ZNG1E: variants seen among roughly 807,000 people sequenced by gnomAD.
ZNG1E encodes the protein zinc-regulated GTPase metalloprotein activator 1E.
the ZNG1E span, among the ~76,000 whole-genome samples, chr9:65,684,949 G>A: frequency 6.6e-6 from 1 of 151,972 alleles, no homozygotes; most frequent in Non-Finnish European, 1.5e-5. Flanking sequence ...CAGCTACTTG[G>A]GAGGATCACT....
the ZNG1E span, among the ~76,000 whole-genome samples, chr9:65,715,425 C>G: frequency 1.9e-4 from 28 of 150,188 alleles, 1 homozygote; most frequent in African/African-American, 6.0e-4. Context: ...CTCCTCTCTC[C>G]TCTCTTCACT....
At chr9:65,663,947 A>G in the ZNG1E span, among the ~76,000 whole-genome samples, 1 of 152,242 alleles carries the variant, frequency 6.6e-6, no homozygotes, top group Admixed American at 6.5e-5. Context: ...GCTTCCACAT[A>G]CATATATCAG....
chr9:65,700,822 A>G, the ZNG1E span: 1 of 146,112 alleles, frequency 6.8e-6, no homozygotes, highest in Non-Finnish European at 1.5e-5. Flanking sequence ...CCCTGACTCA[A>G]GTGGTCTCAG....
chr9:65,704,531 A>G, the ZNG1E span: 2 of 686,198 alleles, frequency 2.9e-6, no homozygotes, highest in Non-Finnish European at 3.3e-6. Flanking sequence ...TGTCCTGAGT[A>G]GAATTCTTAC....
At chr9:65,687,373 G>A in the ZNG1E span, among the ~76,000 whole-genome samples, 2 of 143,744 alleles carry the variant, frequency 1.4e-5, no homozygotes, top group African/African-American at 5.0e-5. Context: ...GTCTTTTCAA[G>A]TTACAGGTAC....
the ZNG1E span, among the ~76,000 whole-genome samples, chr9:65,659,122 G>C: frequency 6.6e-6 from 1 of 152,226 alleles, no homozygotes. Context: ...TCATACCCAA[G>C]AGTCAATAAT....
the ZNG1E span, among the ~76,000 whole-genome samples, chr9:65,663,179 C>T: frequency 1.3e-4 from 20 of 152,376 alleles, no homozygotes; most frequent in East Asian, 1.9e-4. Flanking sequence ...GAACAAGTAG[C>T]TCCTCAGGCA....
chr9:65,686,468 C>T, the ZNG1E span, among the ~76,000 whole-genome samples: 13 of 152,216 alleles, frequency 8.5e-5, no homozygotes, highest in Admixed American at 1.3e-4. Flanking sequence ...AACCCCATCT[C>T]GACTAAAAAT....
At chr9:65,659,061 G>T in the ZNG1E span, among the ~76,000 whole-genome samples, 2 of 152,188 alleles carry the variant, frequency 1.3e-5, no homozygotes, top group Admixed American at 6.6e-5. Context: ...ACAAAAACTG[G>T]AAACAAAGTG....
chr9:65,664,050 T>A, the ZNG1E span, among the ~76,000 whole-genome samples: 1 of 152,362 alleles, frequency 6.6e-6, no homozygotes, highest in South Asian at 2.1e-4. Flanking sequence ...TAATTTTTAC[T>A]GAAATGGAAT....
At chr9:65,684,562 A>ACACACC in the ZNG1E span, among the ~76,000 whole-genome samples, 1 of 142,220 alleles carries the variant, frequency 7.0e-6, no homozygotes, top group African/African-American at 2.6e-5. Flanking sequence ...ACACACACAC[A>ACACACC]CACACACATT....
the ZNG1E span, among the ~76,000 whole-genome samples, chr9:65,678,674 A>G: frequency 7.7e-6 from 1 of 129,448 alleles, no homozygotes; most frequent in Non-Finnish European, 1.6e-5. Flanking sequence ...GGAGATTGAC[A>G]TATTGGGTTT....
At chr9:65,693,597 G>C in the ZNG1E span, 1 of 740,452 alleles carries the variant, frequency 1.4e-6, no homozygotes, top group South Asian at 1.8e-5. Context: ...TCACTCTGTT[G>C]CCCAGGCTGG....
chr9:65,663,700 AAGG>A, the ZNG1E span, among the ~76,000 whole-genome samples: 1 of 151,804 alleles, frequency 6.6e-6, no homozygotes, highest in Non-Finnish European at 1.5e-5. Context: ...AGAATTTCAA[AAGG>A]TATACGCAAT....
the ZNG1E span, among the ~76,000 whole-genome samples, chr9:65,680,926 C>T: frequency 2.0e-5 from 3 of 152,200 alleles, no homozygotes; most frequent in Admixed American, 2.0e-4. Context: ...GTAGCTGGGA[C>T]TACAGGTGCC....
chr9:65,684,479 G>T, the ZNG1E span, among the ~76,000 whole-genome samples: 1 of 152,242 alleles, frequency 6.6e-6, no homozygotes, highest in Non-Finnish European at 1.5e-5. Flanking sequence ...GGAGGTTGCG[G>T]TGAGCCGAGA....
the ZNG1E span, among the ~76,000 whole-genome samples, chr9:65,714,643 G>A: frequency 4.3e-4 from 65 of 152,182 alleles, 2 homozygotes; most frequent in South Asian, 3.9e-3. Context: ...GTACCCGGCC[G>A]TGTGAGGTGT....
chr9:65,694,169 G>A, the ZNG1E span, among the ~76,000 whole-genome samples: 2 of 150,824 alleles, frequency 1.3e-5, no homozygotes, highest in Non-Finnish European at 3.0e-5. Context: ...TGCTTATGGA[G>A]GTAGCAAAAA....
chr9:65,684,966 C>T, the ZNG1E span, among the ~76,000 whole-genome samples: 1 of 150,970 alleles, frequency 6.6e-6, no homozygotes, highest in South Asian at 2.1e-4. Context: ...CACTTGAGCT[C>T]AGGAGTTTGA....
Sources: allele counts gnomAD v4.1 joint callset (sites outside exome capture counted in the v4.1 genomes callset), GRCh38; gene constraint gnomAD v4.1.1; transcripts MANE v1.5; gene names NCBI Gene and HGNC (gene_info 2026-07-23, HGNC 2026-07-21).